ANTXR2: variants seen among roughly 807,000 people sequenced by gnomAD.
ANTXR2 encodes the protein ANTXR cell adhesion molecule 2.
In ANTXR2, 44 loss-of-function variants were observed where a neutral mutation model predicts 73.7. The ratio of observed to expected loss-of-function variants is 0.60; its 90% CI spans 0.47 to 0.77. The LOEUF (loss-of-function observed/expected upper bound fraction) is 0.77, where lower values mean the gene tolerates loss of function less well. Ranked by LOEUF, ANTXR2 falls within the 30% of genes least tolerant of loss-of-function variation. The pLI is 0.00. For synonymous variants in ANTXR2, 217 were observed against 205.9 expected (o/e 1.05, Z -0.46); for missense variants, 604 against 592.5 (o/e 1.02, Z -0.20).
chr4:79,986,311 G>A (rs1228895385), intron 12 of ANTXR2, among the ~76,000 whole-genome samples: 4 of 152,112 alleles, frequency 2.6e-5, no homozygotes, highest in Admixed American at 2.6e-4. Flanking sequence ...AATGTCAAAT[G>A]TGTCAACTAT....
intron 7 of ANTXR2, 53 bp downstream of exon 7, chr4:80,054,219 T>C: frequency 7.2e-7 from 1 of 1,398,510 alleles, no homozygotes; most frequent in Non-Finnish European, 9.9e-7. Context: ...TTCTTATAGA[T>C]TAAAAAAATA....
chr4:79,927,881 G>C (rs1200010027), intron 16 of ANTXR2, among the ~76,000 whole-genome samples: 4 of 152,152 alleles, frequency 2.6e-5, no homozygotes, highest in African/African-American at 9.7e-5. Flanking sequence ...CAGGAGTGTG[G>C]AAAGACTGAA....
chr4:79,909,638 T>C (rs1363261633), intron 16 of ANTXR2, among the ~76,000 whole-genome samples: 2 of 144,786 alleles, frequency 1.4e-5, no homozygotes, highest in Non-Finnish European at 3.0e-5. Flanking sequence ...TCTCTAGATA[T>C]AAGCACCAAA....
At chr4:80,068,488 G>A (rs561957097) in intron 3 of ANTXR2, among the ~76,000 whole-genome samples, 2 of 152,284 alleles carry the variant, frequency 1.3e-5, no homozygotes, top group South Asian at 2.1e-4. Context: ...TGTCAGTGAG[G>A]TGGGGTGTGG....
intron 16 of ANTXR2, among the ~76,000 whole-genome samples, chr4:79,947,519 C>T (rs926143420): frequency 6.6e-6 from 1 of 152,148 alleles, no homozygotes; most frequent in African/African-American, 2.4e-5. Context: ...TCCAATCACC[C>T]TTTACTGTGG....
chr4:79,951,220 C>T (rs988153234), intron 16 of ANTXR2, among the ~76,000 whole-genome samples: 2 of 152,138 alleles, frequency 1.3e-5, no homozygotes, highest in Non-Finnish European at 2.9e-5. Context: ...AGTTGAGAAA[C>T]AGCAATAAAT....
intron 11 of ANTXR2, among the ~76,000 whole-genome samples, chr4:80,016,804 T>C (rs1486196591): frequency 6.6e-6 from 1 of 152,202 alleles, no homozygotes; most frequent in African/African-American, 2.4e-5. Flanking sequence ...TATTCTTAAT[T>C]TCTTTCTTTA....
At chr4:80,064,140 T>C (rs1450723562) in intron 3 of ANTXR2, among the ~76,000 whole-genome samples, 1 of 152,218 alleles carries the variant, frequency 6.6e-6, no homozygotes, top group Admixed American at 6.5e-5. Flanking sequence ...ATTAATTAAG[T>C]GACTTTTCTA....
At chr4:79,907,564 C>CATGTTAA (rs1669542180) in intron 16 of ANTXR2, 97 bp from the exon 17 acceptor site, 5 of 1,315,618 alleles carry the variant, frequency 3.8e-6, no homozygotes, top group Non-Finnish European at 5.4e-6. Flanking sequence ...AAATGATTAC[C>CATGTTAA]CAAGGAAAGT....
intron 16 of ANTXR2, among the ~76,000 whole-genome samples, chr4:79,953,135 C>G (rs570031324): frequency 2.6e-5 from 4 of 152,152 alleles, no homozygotes; most frequent in Non-Finnish European, 4.4e-5. Context: ...GATGCTCAAC[C>G]CTCAGTTCCC....
rs927409433 is a variant in ANTXR2 at position 80,072,760 on chromosome 4, C to G, written c.-200G>C. 22 of 1,260,788 alleles carry G rather than the reference C, an allele frequency of 1.7e-5. No individual in the cohort carries two copies. Among genetic ancestry groups the G allele is most frequent in the Non-Finnish European group, 2.2e-5 (22 of 997,678 alleles). 78.1% of individuals were successfully genotyped at this position (1,260,788 alleles called of 1,614,324 possible). A position where few individuals can be genotyped will look rare whatever the true frequency, so the allele number is the denominator to read the frequency against. On this transcript the variant is annotated 5_prime_UTR_variant, in exon 1 of 17. Transcript: ENST00000403729. ...GTCCTGAGAGGACAAAGGGAGTCTC[C>G]GCCACCGCCGCAGCTGCCGCCGGAA...
At chr4:79,993,672 C>T (rs906050481) in intron 12 of ANTXR2, among the ~76,000 whole-genome samples, 1 of 151,600 alleles carries the variant, frequency 6.6e-6, no homozygotes, top group African/African-American at 2.4e-5. Flanking sequence ...GTTTTTCCCC[C>T]AAATGAAGCC....
chr4:79,977,082 C>T (rs1729666032), intron 16 of ANTXR2, among the ~76,000 whole-genome samples: 2 of 152,184 alleles, frequency 1.3e-5, no homozygotes, highest in South Asian at 4.1e-4. Context: ...AAAATATATA[C>T]ATATCCATAT....
At chr4:79,960,009 C>G (rs1169260966) in intron 16 of ANTXR2, among the ~76,000 whole-genome samples, 1 of 152,076 alleles carries the variant, frequency 6.6e-6, no homozygotes. Flanking sequence ...CTGTATGCTA[C>G]GTATGTAAAC....
intron 7 of ANTXR2, among the ~76,000 whole-genome samples, chr4:80,037,278 G>C (rs1262652765): frequency 6.6e-6 from 1 of 152,152 alleles, no homozygotes; most frequent in Non-Finnish European, 1.5e-5. Flanking sequence ...AGTAAGGACT[G>C]TAGCAGGAAA....
At chr4:79,958,000 C>T (rs919455807) in intron 16 of ANTXR2, among the ~76,000 whole-genome samples, 13 of 152,038 alleles carry the variant, frequency 8.6e-5, no homozygotes, top group Admixed American at 8.5e-4. Context: ...TTAAATGACA[C>T]TTCATTTTCC....
intron 16 of ANTXR2, among the ~76,000 whole-genome samples, chr4:79,944,767 A>T (rs1334208756): frequency 6.6e-6 from 1 of 152,120 alleles, no homozygotes; most frequent in Non-Finnish European, 1.5e-5. Context: ...CATGTCCACC[A>T]CTGCTGGCAG....
At position 80,049,821 on chromosome 4, in the gene ANTXR2, G is replaced by T. The variant is rs747934553; in HGVS notation, c.636+4451C>A. 2.6e-5 allele frequency among the ~76,000 whole-genome samples: 4 copies of T among 151,730 alleles called. No individual in the cohort carries two copies. In the Middle Eastern group the frequency reaches 0.014, roughly 516 times the overall value. On this transcript the variant is annotated intron_variant, in intron 7 of 16. Coordinates refer to ENST00000403729, the MANE Select transcript of ANTXR2 (RefSeq NM_058172.6). ...TATTTTAATGCTTCCCAAATTTAAC[G>T]TTTTACTTCCAGTTTCACTGCCCAT... is the stretch of plus-strand genomic sequence containing the variant.
intron 14 of ANTXR2, among the ~76,000 whole-genome samples, chr4:79,979,284 T>A (rs1729781602): frequency 6.6e-6 from 1 of 151,908 alleles, no homozygotes; most frequent in Non-Finnish European, 1.5e-5. Flanking sequence ...TGGAAAGCCC[T>A]ACAAAAACCA....
Sources: allele counts gnomAD v4.1 joint callset (sites outside exome capture counted in the v4.1 genomes callset), GRCh38; gene constraint gnomAD v4.1.1; transcripts MANE v1.5; gene names NCBI Gene and HGNC (gene_info 2026-07-23, HGNC 2026-07-21).